Variants in ESR1 observed in about 807,000 individuals in gnomAD.
ESR1 encodes the protein estrogen receptor 1, also known as estrogen receptor.
A neutral mutation model predicts 52.7 loss-of-function variants in ESR1; 12 were observed. The observed-to-expected ratio is 0.23, with a 90% CI of 0.15 to 0.37. The LOEUF is 0.37. ESR1 is among the 10% of genes least tolerant of loss of function. The pLI is 1.00. For synonymous variants in ESR1, 305 were observed against 316.8 expected (o/e 0.96, Z 0.39); for missense variants, 584 against 779.7 (o/e 0.75, Z 2.99).
At chr6:152,039,918 C>T (rs1372248317) in intron 5 of ESR1, among the ~76,000 whole-genome samples, 2 of 152,176 alleles carry the variant, frequency 1.3e-5, no homozygotes, top group African/African-American at 2.4e-5. Context: ...GTGCCTTGTT[C>T]AGAGGCAATG....
intron 2 of ESR1, among the ~76,000 whole-genome samples, chr6:151,844,977 A>G (rs1235359928): frequency 3.9e-5 from 6 of 152,216 alleles, no homozygotes; most frequent in Non-Finnish European, 7.3e-5. Flanking sequence ...GAGAGATGTA[A>G]GAAATGAAAA....
intron 3 of ESR1, among the ~76,000 whole-genome samples, chr6:151,931,815 G>A (rs1456114913): frequency 3.4e-5 from 5 of 145,256 alleles, no homozygotes; most frequent in Non-Finnish European, 7.6e-5. Flanking sequence ...GTATTCCGTG[G>A]TGTATATGTG....
chr6:151,657,662 G>T (rs1777501934), intron 1 of ESR1, among the ~76,000 whole-genome samples: 1 of 152,006 alleles, frequency 6.6e-6, no homozygotes, highest in Non-Finnish European at 1.5e-5. Context: ...ATTTTTTCCT[G>T]CAAATCTATC....
exon 7 of ESR1, chr6:152,126,527 A>T (rs1303437744): frequency 6.6e-6 from 1 of 152,182 alleles, no homozygotes; most frequent in African/African-American, 2.4e-5. Context: ...GGAAAAATTA[A>T]ATGTGTGAGC....
At chr6:151,680,283 A>G (rs1778408297) in intron 1 of ESR1, among the ~76,000 whole-genome samples, 1 of 147,344 alleles carries the variant, frequency 6.8e-6, no homozygotes, top group African/African-American at 2.5e-5. Context: ...GACTCATTGC[A>G]ATCTCCACCT....
intron 1 of ESR1, among the ~76,000 whole-genome samples, chr6:151,841,855 G>C (rs1046786245): frequency 6.6e-6 from 1 of 152,094 alleles, no homozygotes; most frequent in African/African-American, 2.4e-5. Context: ...TAGGACTACA[G>C]TCACACATCA....
chr6:152,075,600 A>G (rs188767271), intron 6 of ESR1, among the ~76,000 whole-genome samples: 374 of 152,344 alleles, frequency 2.5e-3, no homozygotes, highest in Non-Finnish European at 4.0e-3. Flanking sequence ...ATCAGAGAGA[A>G]TTCTCAGCCA....
chr6:151,807,707 G>C lies in ESR1; in HGVS notation c.-206G>C. 1 of 641,354 alleles carries C rather than the reference G, an allele frequency of 1.6e-6. No homozygotes were observed. The highest frequency in any genetic ancestry group is 2.8e-6 in the Non-Finnish European group (1 of 356,814). 39.7% of individuals were successfully genotyped at this position (641,354 alleles called of 1,614,324 possible). A position where few individuals can be genotyped will look rare whatever the true frequency, so the allele number is the denominator to read the frequency against. On this transcript the variant is annotated 5_prime_UTR_variant, in exon 1 of 8. Coordinates refer to ENST00000206249, the MANE Select transcript of ESR1 (RefSeq NM_000125.4). ...AGCTGGCGGAGGGCGTTCGTCCTGG[G>C]ACTGCACTTGCTCCCGTCGGGTCGC...
chr6:151,850,645 G>A (rs895464289), intron 2 of ESR1, among the ~76,000 whole-genome samples: 4 of 152,052 alleles, frequency 2.6e-5, no homozygotes, highest in African/African-American at 9.7e-5. Context: ...ACTCCCCTGT[G>A]TTTCCCTCTG....
At chr6:151,820,687 T>C (rs1424095045) in intron 1 of ESR1, among the ~76,000 whole-genome samples, 1 of 152,218 alleles carries the variant, frequency 6.6e-6, no homozygotes, top group East Asian at 1.9e-4. Context: ...CTTGTCTTTA[T>C]TTTAGTTGTG....
At chr6:151,987,504 C>T (rs529714182) in intron 4 of ESR1, among the ~76,000 whole-genome samples, 10 of 152,148 alleles carry the variant, frequency 6.6e-5, no homozygotes, top group Middle Eastern at 3.4e-3. Flanking sequence ...GGTGATCTGC[C>T]GGGGTCCATT....
rs552709263 is a variant in ESR1 at position 151,979,805 on chromosome 6, C to T, written c.1097-31851C>T. ...GATAATGGAACATAAATCTTAGGCA[C>T]ATTTGCTTTGTAAATACCAAATTGC... On this transcript the variant is annotated intron_variant, in intron 4 of 7. Coordinates refer to ENST00000206249, the MANE Select transcript of ESR1 (RefSeq NM_000125.4). 2.5e-4 allele frequency among the ~76,000 whole-genome samples: 38 copies of T among 152,122 alleles called. No homozygotes were observed. The South Asian group carries it at 7.9e-3, about 32-fold the overall frequency.
chr6:152,094,296 G>C lies in ESR1; in HGVS notation c.1370-89G>C. 2.7e-6 allele frequency: 3 copies of C among 1,108,580 alleles called. No homozygotes were observed. In the East Asian group the frequency reaches 7.0e-5, roughly 26 times the overall value. 68.7% of individuals were successfully genotyped at this position (1,108,580 alleles called of 1,614,324 possible). A position where few individuals can be genotyped will look rare whatever the true frequency, so the allele number is the denominator to read the frequency against. On this transcript the variant is annotated intron_variant, in intron 6 of 7. Coordinates refer to ENST00000206249, the MANE Select transcript of ESR1 (RefSeq NM_000125.4). The surrounding 1 kb of genome is among the most constrained non-coding windows in gnomAD (Gnocchi z 4.6). ...ACTACTGTGCTGAGGAAGGGCACTG[G>C]CTCATTGTTACATCCCATGAACACT...
rs77756137 is a variant in ESR1 at position 151,799,240 on chromosome 6, T to A, written c.-70-8603T>A. Among the ~76,000 whole-genome samples the A allele has an allele frequency of 3.4e-3, 516 of 152,310 alleles. 21 individuals are homozygous for A. The East Asian group carries it at 0.085, about 25-fold the overall frequency. On this transcript the variant is annotated intron_variant, in intron 2 of 2. Transcript: ENST00000404742. ...TTCTATTCCAGTTCCTCAAGCTGCATGACCTTCAGCAAGTCTCCTGTGTTG... is the reference window on the plus strand; with the variant it reads ...TTCTATTCCAGTTCCTCAAGCTGCAAGACCTTCAGCAAGTCTCCTGTGTTG...
At chr6:151,802,218 A>G (rs1777321058), upstream of ESR1, among the ~76,000 whole-genome samples, 1 of 152,212 alleles carries the variant, frequency 6.6e-6, no homozygotes, top group South Asian at 2.1e-4. Flanking sequence ...AAAACCCTTA[A>G]AATAAGTGAC....
chr6:152,125,286 A>G, exon 7 of ESR1: 1 of 1,550,454 alleles, frequency 6.4e-7, no homozygotes, highest in Non-Finnish European at 8.7e-7. Context: ...TGTAGAAGCA[A>G]AGAAGAGAAT....
intron 6 of ESR1, among the ~76,000 whole-genome samples, chr6:152,080,028 G>T (rs1472988702): frequency 6.6e-6 from 1 of 152,170 alleles, no homozygotes; most frequent in Admixed American, 6.5e-5. Flanking sequence ...TGGTGTACTG[G>T]GAAGTGATGG....
intron 6 of ESR1, among the ~76,000 whole-genome samples, chr6:152,088,150 A>G (rs1382218798): frequency 6.6e-6 from 1 of 152,210 alleles, no homozygotes; most frequent in Admixed American, 6.5e-5. Context: ...ATTAAACTAT[A>G]TTAAAATAAA....
chr6:152,095,071 T>C (rs998950164), intron 7 of ESR1, among the ~76,000 whole-genome samples: 31 of 152,094 alleles, frequency 2.0e-4, no homozygotes, highest in Admixed American at 1.9e-3. Context: ...CCACCATCAT[T>C]TTCTGTTGGA....
Sources: allele counts gnomAD v4.1 joint callset (sites outside exome capture counted in the v4.1 genomes callset), GRCh38; gene constraint gnomAD v4.1.1; non-coding constraint Gnocchi (gnomAD v3.1); transcripts MANE v1.5; gene names NCBI Gene and HGNC (gene_info 2026-07-23, HGNC 2026-07-21).